The following DLG2 variants were observed in gnomAD, a reference collection of about 807,000 sequenced individuals.
DLG2 encodes the protein discs large MAGUK scaffold protein 2.
DLG2 carries 45 observed loss-of-function variants against 132.5 expected under a neutral mutation model. The ratio of observed to expected loss-of-function variants is 0.34; its 90% CI spans 0.27 to 0.44. The LOEUF (loss-of-function observed/expected upper bound fraction) is 0.44. Ranked by LOEUF, DLG2 falls within the 20% of genes least tolerant of loss-of-function variation. DLG2 has a pLI of 1.00. For missense variants in DLG2, 1,045 were observed against 1,196.9 expected, an observed-to-expected ratio of 0.87 and a Z score of 1.87; for synonymous variants, 424 against 419.6, an observed-to-expected ratio of 1.01 and a Z score of -0.13.
At chr11:84,987,386 C>G (rs1431033133) in intron 6 of DLG2, among the ~76,000 whole-genome samples, 1 of 151,992 alleles carries the variant, frequency 6.6e-6, no homozygotes. Context: ...ATCAAAATAA[C>G]ATCATCATTC....
intron 21 of DLG2, among the ~76,000 whole-genome samples, chr11:83,518,706 A>T (rs2095381405): frequency 6.6e-6 from 1 of 152,178 alleles, no homozygotes; most frequent in East Asian, 1.9e-4. Flanking sequence ...TATCCCAAAG[A>T]AGCAGAGCTG....
At chr11:84,779,068 C>A (rs1392222926) in intron 6 of DLG2, among the ~76,000 whole-genome samples, 1 of 152,132 alleles carries the variant, frequency 6.6e-6, no homozygotes, top group Non-Finnish European at 1.5e-5. Flanking sequence ...GGTTTTGGGA[C>A]TCAGACTGAG....
intron 9 of DLG2, among the ~76,000 whole-genome samples, chr11:84,153,170 A>C (rs992683962): frequency 2.0e-5 from 3 of 152,196 alleles, no homozygotes; most frequent in African/African-American, 4.8e-5. Flanking sequence ...CAGACCCTCA[A>C]TCTCTTCTGG....
rs553936671 is a variant in DLG2, at chr11:83,656,661, C to T, written c.1826-23336G>A. Among the ~76,000 whole-genome samples, 5 of 152,262 alleles carry T rather than the reference C, an allele frequency of 3.3e-5. No individual in the cohort carries two copies. In the South Asian group the frequency reaches 1.0e-3, roughly 32 times the overall value. ...TTCATTCTTCAAGAAAAGTCATTTCCTCTCTCTCCCTCTATTGATTCCTAA... is the reference window on the plus strand; with the variant it reads ...TTCATTCTTCAAGAAAAGTCATTTCTTCTCTCTCCCTCTATTGATTCCTAA... On this transcript the variant is annotated intron_variant, in intron 18 of 27. Transcript: ENST00000376104.
intron 3 of DLG2, among the ~76,000 whole-genome samples, chr11:85,396,358 G>C (rs183382918): frequency 2.6e-5 from 4 of 152,040 alleles, no homozygotes; most frequent in African/African-American, 9.7e-5. Flanking sequence ...AAAAAAGAGA[G>C]CACCTCTTTT....
intron 3 of DLG2, among the ~76,000 whole-genome samples, chr11:85,488,686 G>A (rs1281454177): frequency 1.3e-5 from 2 of 152,152 alleles, no homozygotes; most frequent in African/African-American, 4.8e-5. Context: ...TGGGCCAGAA[G>A]AGAATGGAAT....
At chr11:83,957,977 C>T (rs12294736) in intron 14 of DLG2, among the ~76,000 whole-genome samples, 29,588 of 152,120 alleles carry the variant, frequency 0.19, 4,098 homozygotes, top group African/African-American at 0.39. Context: ...TATTTTACTT[C>T]CTTTGTAGCA....
At chr11:85,095,203 T>G (rs549828605) in intron 6 of DLG2, among the ~76,000 whole-genome samples, 4 of 152,158 alleles carry the variant, frequency 2.6e-5, no homozygotes, top group Non-Finnish European at 4.4e-5. Context: ...ATAATAATAA[T>G]AAAGTGTGAA....
rs562026586 is a variant in DLG2 at position 85,155,945 on chromosome 11, A to G, written c.187-1294T>C. On this transcript the variant is annotated intron_variant, in intron 4 of 27. Transcript: ENST00000376104. ...TGGTTGCAGGCTAGGACAGCTCCCA[A>G]ATGGTTTTTGCCAACTCTCCTCTGG... Among the ~76,000 whole-genome samples, 119 of 152,192 alleles carry G rather than the reference A, an allele frequency of 7.8e-4. No homozygotes were observed. In the South Asian group the frequency reaches 9.8e-3, roughly 12 times the overall value.
At chr11:85,406,932 G>T (rs924583868) in intron 3 of DLG2, among the ~76,000 whole-genome samples, 1 of 151,842 alleles carries the variant, frequency 6.6e-6, no homozygotes, top group Non-Finnish European at 1.5e-5. Flanking sequence ...GGAATGAGAG[G>T]AAAGGACTCA....
chr11:84,151,597 G>C (rs1281318249), intron 9 of DLG2, among the ~76,000 whole-genome samples: 1 of 152,010 alleles, frequency 6.6e-6, no homozygotes, highest in Non-Finnish European at 1.5e-5. Flanking sequence ...TTTGAGGTTA[G>C]TTTGTTCTTG....
At position 84,605,888 on chromosome 11, in the gene DLG2, C is replaced by T. The variant is rs185415230; in HGVS notation, c.358-71157G>A. Reference sequence around the variant, plus strand: ...ACCTGTGATCATGCTGTGGAATTTACAACCCCATCATTCAAGCCTTAGATC... The same window carrying T: ...ACCTGTGATCATGCTGTGGAATTTATAACCCCATCATTCAAGCCTTAGATC... On this transcript the variant is annotated intron_variant, in intron 6 of 27. Transcript: ENST00000376104. 2.1e-3 allele frequency among the ~76,000 whole-genome samples: 318 copies of T among 152,152 alleles called. 2 individuals are homozygous for T. Among genetic ancestry groups the T allele is most frequent in the African/African-American group, 7.0e-3 (291 of 41,560 alleles).
At chr11:84,445,601 T>C (rs1602254408) in intron 7 of DLG2, among the ~76,000 whole-genome samples, 1 of 152,270 alleles carries the variant, frequency 6.6e-6, no homozygotes, top group South Asian at 2.1e-4. Context: ...TCTGTTTCTT[T>C]AATCTGATTA....
chr11:83,671,729 C>A (rs1350002605), intron 18 of DLG2, among the ~76,000 whole-genome samples: 1 of 152,136 alleles, frequency 6.6e-6, no homozygotes, highest in Non-Finnish European at 1.5e-5. Flanking sequence ...CAAATAATTT[C>A]ATCCATGCCT....
rs1457746683 is a variant in DLG2, at chr11:83,871,910, T to G, written c.1565+2510A>C. 4.6e-5 allele frequency among the ~76,000 whole-genome samples: 7 copies of G among 152,168 alleles called. No homozygotes were observed. The East Asian group carries it at 1.2e-3, about 25-fold the overall frequency. ...TTTTTTTCAGAACACTTAGACTAAGTGTATATTTAACTAGTACTTATTGAC... is the reference window on the plus strand; with the variant it reads ...TTTTTTTCAGAACACTTAGACTAAGGGTATATTTAACTAGTACTTATTGAC... On this transcript the variant is annotated intron_variant, in intron 16 of 27. Coordinates refer to ENST00000376104, the MANE Select transcript of DLG2 (RefSeq NM_001142699.3).
chr11:83,941,398 A>C (rs2082631918), intron 14 of DLG2, among the ~76,000 whole-genome samples: 1 of 147,394 alleles, frequency 6.8e-6, no homozygotes, highest in Non-Finnish European at 1.5e-5. Context: ...TATTTAATTA[A>C]TTTTTTTTTT....
At chr11:84,755,918 G>A (rs2066815518) in intron 6 of DLG2, among the ~76,000 whole-genome samples, 2 of 151,946 alleles carry the variant, frequency 1.3e-5, no homozygotes, top group African/African-American at 4.8e-5. Context: ...GTATAATTTG[G>A]AATAAAAAAA....
chr11:84,090,373 C>T (rs564790563), intron 10 of DLG2, among the ~76,000 whole-genome samples: 27 of 144,130 alleles, frequency 1.9e-4, no homozygotes, highest in African/African-American at 6.3e-4. Flanking sequence ...AAGATCGCAC[C>T]ATTGCACTCC....
intron 6 of DLG2, among the ~76,000 whole-genome samples, chr11:85,097,925 T>G (rs2070161749): frequency 6.6e-6 from 1 of 152,204 alleles, no homozygotes; most frequent in Non-Finnish European, 1.5e-5. Context: ...TAGAGTAGAA[T>G]TAGTTGCATC....
Sources: gnomAD v4.1 joint callset for allele counts (sites outside exome capture counted in the v4.1 genomes callset) on GRCh38, gnomAD v4.1.1 for gene constraint, MANE v1.5 for transcripts, NCBI Gene and HGNC (gene_info 2026-07-23, HGNC 2026-07-21) for gene names.